The following TOX variants were observed in gnomAD, a reference collection of about 807,000 sequenced individuals.
TOX encodes thymocyte selection associated high mobility group box.
A neutral mutation model predicts 53.7 loss-of-function variants in TOX; 11 were observed. The observed-to-expected ratio is 0.20, with a 90% confidence interval of 0.13 to 0.34. The LOEUF (loss-of-function observed/expected upper bound fraction) is 0.34, where lower values mean the gene tolerates loss of function less well. Ranked by LOEUF, TOX falls within the 10% of genes least tolerant of loss-of-function variation. The probability of loss-of-function intolerance (pLI) is 1.00; values close to 1 mark genes in which losing one functional copy is unlikely to be tolerated. For synonymous variants in TOX, 225 were observed against 245.3 expected, an observed-to-expected ratio of 0.92 and a Z score of 0.77; for missense variants, 570 against 664.6, an observed-to-expected ratio of 0.86 and a Z score of 1.56.
intron 1 of TOX, among the ~76,000 whole-genome samples, chr8:59,038,434 T>G (rs1199870890): frequency 6.6e-6 from 1 of 152,232 alleles, no homozygotes. Context: ...TGATATCTCC[T>G]TTCTTATGTA....
rs1804924375 is a variant in TOX at position 59,107,052 on chromosome 8, G to GGGGC, written c.102+11833_102+11834insGCCC. Reference sequence around the variant, plus strand: ...ATCTTATAAAGCAGTTTGCTGGGGGGGGGGGGAACGTGACATTTCTAATTC... The same window carrying GGGGC: ...ATCTTATAAAGCAGTTTGCTGGGGGGGGGCGGGGGGAACGTGACATTTCTAATTC... On this transcript the variant is annotated intron_variant, in intron 1 of 8. Transcript: ENST00000361421. Among the ~76,000 whole-genome samples the GGGGC allele has an allele frequency of 1.5e-5, 2 of 133,938 alleles. 1 individual carries two copies. Among genetic ancestry groups the GGGGC allele is most frequent in the African/African-American group, 5.7e-5 (2 of 35,064 alleles). The allele number at this position is 133,938 out of a possible 152,430, so 87.9% of individuals were successfully genotyped here.
At position 58,879,893 on chromosome 8, in the gene TOX, G is replaced by C. The variant is rs750516136; in HGVS notation, c.412-28088C>G. Among the ~76,000 whole-genome samples, 31 of 152,142 alleles carry C rather than the reference G, an allele frequency of 2.0e-4. No homozygotes were observed. In the Middle Eastern group the frequency reaches 0.027, roughly 134 times the overall value. ...TGCCACCCACATGTAATATGTCCTT[G>C]TACTGGTACAACCCATTTTTAATAC... On this transcript the variant is annotated intron_variant, in intron 3 of 8. Coordinates refer to ENST00000361421, the MANE Select transcript of TOX (RefSeq NM_014729.3).
chr8:58,881,395 C>T (rs1455941583), intron 3 of TOX, among the ~76,000 whole-genome samples: 1 of 76,356 alleles, frequency 1.3e-5, no homozygotes, highest in Non-Finnish European at 2.4e-5. Context: ...GATTAACTAG[C>T]CCCCATCCTT....
In TOX at chr8:59,022,123, T is replaced by C. The variant is rs138951121; in HGVS notation, c.103-62115A>G. Among the ~76,000 whole-genome samples the C allele has an allele frequency of 8.1e-4, 124 of 152,346 alleles. 6 individuals are homozygous for C. In the East Asian group the frequency reaches 0.021, roughly 26 times the overall value. On this transcript the variant is annotated intron_variant, in intron 1 of 8. Transcript: ENST00000361421. ...CCTGATTAAATGCAGAAGGTGTTTA[T>C]GAACCATCATGATATCAATTTAGAT...
chr8:58,851,849 A>AAATAAAT lies in TOX; in HGVS notation c.412-45_412-44insATTTATT. ...TAAATAAATAAATAAATAAATAAAT[A>AAATAAAT]GGAAAGGAGTAATTTTAACAAATAT... On this transcript the variant is annotated intron_variant, in intron 3 of 8. Transcript: ENST00000361421. This position sits in a 1 kb window ranked among gnomAD's most constrained non-coding sequence, Gnocchi z 4.4. 1 of 1,265,422 alleles carries AAATAAAT rather than the reference A, an allele frequency of 7.9e-7. No individual in the cohort carries two copies. The highest frequency in any genetic ancestry group is 1.0e-6 in the Non-Finnish European group (1 of 996,012). 78.4% of individuals were successfully genotyped at this position (1,265,422 alleles called of 1,614,324 possible). A position where few individuals can be genotyped will look rare whatever the true frequency, so the allele number is the denominator to read the frequency against.
chr8:59,023,598 A>G (rs436114), intron 1 of TOX, among the ~76,000 whole-genome samples: 16,563 of 152,160 alleles, frequency 0.11, 1,821 homozygotes, highest in East Asian at 0.49. Context: ...TGACTGTTCT[A>G]ATGACATGGA....
intron 1 of TOX, among the ~76,000 whole-genome samples, chr8:58,960,876 C>T (rs758485017): frequency 9.2e-5 from 14 of 152,180 alleles, no homozygotes; most frequent in Non-Finnish European, 2.1e-4. Context: ...CAAAGCATTT[C>T]TCTTTTAGTT....
At position 58,807,555 on chromosome 8, in the gene TOX, A is replaced by G; in HGVS notation, c.*192T>C. 1 of 586,680 alleles carries G rather than the reference A, an allele frequency of 1.7e-6. No homozygotes were observed. Among genetic ancestry groups the G allele is most frequent in the Non-Finnish European group, 3.0e-6 (1 of 336,942 alleles). 36.3% of individuals were successfully genotyped at this position (586,680 alleles called of 1,614,324 possible). A position where few individuals can be genotyped will look rare whatever the true frequency, so the allele number is the denominator to read the frequency against. The stretch of plus-strand genomic sequence containing the variant: ...AGGGAAGAAGAAAAACAATGTCCAT[A>G]AAGGATTAAAAAAATAATAAAGAAG... On this transcript the variant is annotated 3_prime_UTR_variant, in exon 9 of 9. Coordinates refer to ENST00000361421, the MANE Select transcript of TOX (RefSeq NM_014729.3).
chr8:59,023,003 A>G (rs1160353939), intron 1 of TOX, among the ~76,000 whole-genome samples: 2 of 152,202 alleles, frequency 1.3e-5, no homozygotes, highest in Non-Finnish European at 2.9e-5. Context: ...AGTTACTATT[A>G]TGAGCTCTAA....
At chr8:59,101,024 A>C (rs755208694) in intron 1 of TOX, among the ~76,000 whole-genome samples, 1 of 152,206 alleles carries the variant, frequency 6.6e-6, no homozygotes, top group Admixed American at 6.5e-5. Flanking sequence ...CTGTCACAGC[A>C]AGACTTGAGA....
At chr8:58,892,259 C>T (rs780265974) in intron 3 of TOX, among the ~76,000 whole-genome samples, 11 of 151,920 alleles carry the variant, frequency 7.2e-5, no homozygotes, top group Non-Finnish European at 1.3e-4. Flanking sequence ...GGATTCCATT[C>T]CAGGATGTAC....
intron 1 of TOX, among the ~76,000 whole-genome samples, chr8:59,011,904 A>C (rs1319549205): frequency 1.3e-5 from 2 of 152,138 alleles, no homozygotes; most frequent in African/African-American, 4.8e-5. Flanking sequence ...CATCATGGGG[A>C]CAGAAATGCT....
chr8:59,029,944 T>G (rs1814322874), intron 1 of TOX, among the ~76,000 whole-genome samples: 1 of 152,200 alleles, frequency 6.6e-6, no homozygotes, highest in Non-Finnish European at 1.5e-5. Flanking sequence ...TAGGACTAAT[T>G]TGCTTCACAG....
chr8:59,104,919 G>C (rs1804871395), intron 1 of TOX, among the ~76,000 whole-genome samples: 1 of 152,134 alleles, frequency 6.6e-6, no homozygotes, highest in African/African-American at 2.4e-5. Flanking sequence ...GTGGTTCCAT[G>C]ATAGTTATCT....
chr8:59,115,976 C>CTGCTCTAT (rs1438236133), intron 1 of TOX, among the ~76,000 whole-genome samples: 19 of 151,966 alleles, frequency 1.3e-4, no homozygotes, highest in African/African-American at 3.9e-4. Context: ...TATAGAGCAG[C>CTGCTCTAT]AGTGCCGGAA....
In TOX at chr8:59,117,602, C is replaced by G. The variant is rs924877204; in HGVS notation, c.102+1284G>C. Among the ~76,000 whole-genome samples, 1 of 152,202 alleles carries G rather than the reference C, an allele frequency of 6.6e-6. No homozygotes were observed. Among genetic ancestry groups the G allele is most frequent in the Admixed American group, 6.5e-5 (1 of 15,286 alleles). ...GGAGCTGCGACTCGGTCGCGTGGTG[C>G]GGAGTCCAGGGCTGAGAAGGCAGCG... On this transcript the variant is annotated intron_variant, in intron 1 of 8. Coordinates refer to ENST00000361421, the MANE Select transcript of TOX (RefSeq NM_014729.3). This position sits in a 1 kb window ranked among gnomAD's most constrained non-coding sequence, Gnocchi z 4.6.
chr8:58,831,297 G>A (rs1585848969), intron 5 of TOX, among the ~76,000 whole-genome samples: 1 of 152,142 alleles, frequency 6.6e-6, no homozygotes, highest in East Asian at 1.9e-4. Flanking sequence ...ATGCTGTTCA[G>A]TTATGCTTAC....
chr8:58,839,335 AC>A (rs1348894160), intron 4 of TOX, among the ~76,000 whole-genome samples: 3 of 152,232 alleles, frequency 2.0e-5, no homozygotes, highest in Non-Finnish European at 4.4e-5. Context: ...ACTAATGGCT[AC>A]CATATCGGAG....
At chr8:58,995,059 C>T (rs994260901) in intron 1 of TOX, among the ~76,000 whole-genome samples, 2 of 152,142 alleles carry the variant, frequency 1.3e-5, no homozygotes, top group African/African-American at 4.8e-5. Flanking sequence ...TGAACATGTC[C>T]TTATTTCTGT....
Sources: gnomAD v4.1 joint callset for allele counts (sites outside exome capture counted in the v4.1 genomes callset) on GRCh38, gnomAD v4.1.1 for gene constraint, Gnocchi (gnomAD v3.1) non-coding constraint, MANE v1.5 for transcripts, NCBI Gene and HGNC (gene_info 2026-07-23, HGNC 2026-07-21) for gene names.